SH3BP4: variants seen among roughly 807,000 people sequenced by gnomAD.
The protein encoded by SH3BP4 is SH3 domain-binding protein 4.
Under a neutral mutation model 65.5 loss-of-function variants are expected in SH3BP4, and 33 were observed. The ratio of observed to expected loss-of-function variants is 0.50; its 90% CI spans 0.38 to 0.67. The LOEUF is 0.67. Ranked by LOEUF, SH3BP4 falls within the 30% of genes least tolerant of loss-of-function variation. The pLI, the probability that SH3BP4 is intolerant of heterozygous loss-of-function variation, is 0.00. For missense variants in SH3BP4, 1,134 were observed against 1,261.4 expected (o/e 0.90, Z 1.53); for synonymous variants, 552 against 545.5 (o/e 1.01, Z -0.17).
In SH3BP4 at chr2:235,054,484, G is replaced by A. The variant is rs183288605; in HGVS notation, c.*668G>A. The A allele has an allele frequency of 6.6e-6, 1 of 152,300 alleles. No homozygotes were observed. Among genetic ancestry groups the A allele is most frequent in the East Asian group, 1.9e-4 (1 of 5,206 alleles). The allele number at this position is 152,300 out of a possible 1,614,324, so 9.4% of individuals were successfully genotyped here. A position where few individuals can be genotyped will look rare whatever the true frequency, so the allele number is the denominator to read the frequency against. ...GTAAATGACCATCCATAGAATATGT[G>A]AATCTTTGGTGAGCTTCAGTGGGCA... On this transcript the variant is annotated 3_prime_UTR_variant, in exon 6 of 6. Coordinates refer to ENST00000392011, the MANE Select transcript of SH3BP4 (RefSeq NM_014521.3).
Position 235,043,108 on chromosome 2 carries a change from A to C in SH3BP4, c.2339A>C (p.Asn780Thr), listed in dbSNP as rs76452346. The change falls in exon 4 of 6, where the codon AAC becomes ACC. Residue 780 changes from asparagine to threonine, a missense_variant. Coordinates refer to ENST00000392011, the MANE Select transcript of SH3BP4 (RefSeq NM_014521.3). ...RSFADALGYV[N>T]LPLTFFCRAE... Reference sequence around the variant, plus strand: ...TTCGCTGACGCCCTGGGCTACGTGAACCTGCCGCTCACCTTTTTCTGCCGG... The same window carrying C: ...TTCGCTGACGCCCTGGGCTACGTGACCCTGCCGCTCACCTTTTTCTGCCGG... The C allele has an allele frequency of 3.7e-6, 6 of 1,613,328 alleles. No homozygotes were observed. Among genetic ancestry groups the C allele is most frequent in the Admixed American group, 1.7e-5 (1 of 60,012 alleles).
At chr2:235,027,592 G>A (rs1051576099) in intron 2 of SH3BP4, among the ~76,000 whole-genome samples, 5 of 152,160 alleles carry the variant, frequency 3.3e-5, no homozygotes, top group South Asian at 2.1e-4. Context: ...TTTCTAACCC[G>A]GAGGAAATCT....
intron 1 of SH3BP4, among the ~76,000 whole-genome samples, chr2:234,975,031 AT>A (rs1693128512): frequency 6.6e-6 from 1 of 152,152 alleles, no homozygotes; most frequent in South Asian, 2.1e-4. Flanking sequence ...CTGCCTTGCA[AT>A]TCTCGGAGTT....
At chr2:235,047,942 G>A (rs769618089) in intron 4 of SH3BP4, among the ~76,000 whole-genome samples, 2 of 152,158 alleles carry the variant, frequency 1.3e-5, no homozygotes, top group Non-Finnish European at 2.9e-5. Flanking sequence ...GGAGTGGAGT[G>A]GGGGCCGGAA....
At chr2:235,037,948 G>A (rs1297921941) in intron 3 of SH3BP4, among the ~76,000 whole-genome samples, 2 of 151,716 alleles carry the variant, frequency 1.3e-5, no homozygotes, top group African/African-American at 4.8e-5. Context: ...TTCAGACACT[G>A]CTTTCACCAA....
At chr2:235,038,386 T>TAC (rs1358463225) in intron 3 of SH3BP4, among the ~76,000 whole-genome samples, 23 of 13,282 alleles carry the variant, frequency 1.7e-3, no homozygotes, top group Admixed American at 3.1e-3. Context: ...CATATATATA[T>TAC]ATATATATAT....
intron 2 of SH3BP4, among the ~76,000 whole-genome samples, chr2:234,998,948 A>G (rs1026182987): frequency 6.6e-6 from 1 of 152,156 alleles, no homozygotes; most frequent in African/African-American, 2.4e-5. Context: ...CCTCCCCGTA[A>G]TCAGCAGATA....
chr2:235,034,696 G>A lies in SH3BP4; in HGVS notation c.-132-175G>A, dbSNP rs77821022. ...GTGCCAATGAGACAAGCACAAAGTG[G>A]GCACAGAGGCCAAGGAGCAAGCGCT... On this transcript the variant is annotated intron_variant, in intron 2 of 5. Transcript: ENST00000392011. The surrounding 1 kb of genome is among the most constrained non-coding windows in gnomAD (Gnocchi z 6.2). Among the ~76,000 whole-genome samples, 2,009 of 152,314 alleles carry A rather than the reference G, an allele frequency of 0.013. 47 individuals carry two copies. Among genetic ancestry groups the A allele is most frequent in the African/African-American group, 0.045 (1,882 of 41,560 alleles).
At chr2:234,993,693 G>C (rs1404564041) in intron 1 of SH3BP4, among the ~76,000 whole-genome samples, 2 of 152,172 alleles carry the variant, frequency 1.3e-5, no homozygotes, top group Non-Finnish European at 2.9e-5. Flanking sequence ...ATTTTCAACT[G>C]TTCTGTCTTG....
chr2:235,033,638 A>G lies in SH3BP4; in HGVS notation c.-132-1233A>G, dbSNP rs551972504. ...GTGGTGACAGTGGCTGAGACTTGGC[A>G]GGGTTAAATATTGAACACAAGATGG... On this transcript the variant is annotated intron_variant, in intron 2 of 5. Coordinates refer to ENST00000392011, the MANE Select transcript of SH3BP4 (RefSeq NM_014521.3). This position sits in a 1 kb window ranked among gnomAD's most constrained non-coding sequence, Gnocchi z 5.7. Among the ~76,000 whole-genome samples, 3 of 152,330 alleles carry G rather than the reference A, an allele frequency of 2.0e-5. No homozygotes were observed. The highest frequency in any genetic ancestry group is 3.9e-4 in the East Asian group (2 of 5,182).
At chr2:234,987,644 C>A (rs770274055) in intron 1 of SH3BP4, among the ~76,000 whole-genome samples, 36 of 152,156 alleles carry the variant, frequency 2.4e-4, no homozygotes, top group Non-Finnish European at 2.8e-4. Flanking sequence ...GCCTAGGACG[C>A]CTTCCTTGAG....
chr2:234,989,373 A>G (rs1394267938), intron 1 of SH3BP4, among the ~76,000 whole-genome samples: 2 of 151,968 alleles, frequency 1.3e-5, no homozygotes. Context: ...TTCTGACCAC[A>G]CCTACGTCTG....
Position 234,984,329 on chromosome 2 carries a change from G to A in SH3BP4, c.-206-10974G>A, listed in dbSNP as rs147945213. On this transcript the variant is annotated intron_variant, in intron 1 of 5. Coordinates refer to ENST00000392011, the MANE Select transcript of SH3BP4 (RefSeq NM_014521.3). ...TGATCCTCCCACCCCAGCCTCCTGA[G>A]TAGCTGGGACTGCAGGCACACATCA... 8.8e-3 allele frequency among the ~76,000 whole-genome samples: 1,332 copies of A among 152,202 alleles called. 13 individuals carry two copies. Among genetic ancestry groups the A allele is most frequent in the Middle Eastern group, 0.017 (5 of 290 alleles).
At position 234,952,723 on chromosome 2, in the gene SH3BP4, T is replaced by C. The variant is rs1015938645; in HGVS notation, c.-207+553T>C. ...TTTCAACTTCTTCGGAGATCCCTCC[T>C]GTGAGGATGAAATTGAAAACTCCGG... On this transcript the variant is annotated intron_variant, in intron 1 of 5. Transcript: ENST00000392011. This position sits in a 1 kb window ranked among gnomAD's most constrained non-coding sequence, Gnocchi z 6.5. The C allele has an allele frequency of 2.6e-5, 4 of 152,078 alleles. No individual in the cohort carries two copies. The highest frequency in any genetic ancestry group is 4.4e-5 in the Non-Finnish European group (3 of 68,008). The allele number at this position is 152,078 out of a possible 1,614,324, so 9.4% of individuals were successfully genotyped here. A position where few individuals can be genotyped will look rare whatever the true frequency, so the allele number is the denominator to read the frequency against.
Position 235,030,038 on chromosome 2 carries a change from C to G in SH3BP4, c.-132-4833C>G, listed in dbSNP as rs1339382456. 6.6e-6 allele frequency among the ~76,000 whole-genome samples: 1 copy of G among 152,156 alleles called. No individual in the cohort carries two copies. The highest frequency in any genetic ancestry group is 1.5e-5 in the Non-Finnish European group (1 of 68,018). ...CAGTGATTGATTGAAGGGTTGAGAT[C>G]GGCAATATGTAACCCTGGAGGTACA... is the stretch of plus-strand genomic sequence containing the variant. On this transcript the variant is annotated intron_variant, in intron 2 of 5. Coordinates refer to ENST00000392011, the MANE Select transcript of SH3BP4 (RefSeq NM_014521.3). This position sits in a 1 kb window ranked among gnomAD's most constrained non-coding sequence, Gnocchi z 4.1.
Position 235,034,977 on chromosome 2 carries a change from G to A in SH3BP4, c.-26G>A, listed in dbSNP as rs760411474. On this transcript the variant is annotated 5_prime_UTR_variant, in exon 3 of 6. Coordinates refer to ENST00000392011, the MANE Select transcript of SH3BP4 (RefSeq NM_014521.3). This position sits in a 1 kb window ranked among gnomAD's most constrained non-coding sequence, Gnocchi z 6.2. Reference sequence around the variant, plus strand: ...GAGGAAGAAATATGAAGCCTTAGCGGCTTTACCCGGGAAGCGAGTTTCGAG... The same window carrying A: ...GAGGAAGAAATATGAAGCCTTAGCGACTTTACCCGGGAAGCGAGTTTCGAG... 4 of 1,594,996 alleles carry A rather than the reference G, an allele frequency of 2.5e-6. No homozygotes were observed. The highest frequency in any genetic ancestry group is 1.7e-4 in the Middle Eastern group (1 of 6,024).
chr2:235,048,576 G>A (rs1695951238), intron 4 of SH3BP4, among the ~76,000 whole-genome samples: 1 of 151,840 alleles, frequency 6.6e-6, no homozygotes, highest in Non-Finnish European at 1.5e-5. Context: ...TTGAGCTCAA[G>A]CTATCCTCCC....
rs553976084 is a variant in SH3BP4 at position 235,035,433 on chromosome 2, A to C, written c.118+313A>C. ...CAGGGGAACAGAGAGTGTGGCAAGTAGATGAAATATTGAGAACCACTAGAG... is the reference window on the plus strand; with the variant it reads ...CAGGGGAACAGAGAGTGTGGCAAGTCGATGAAATATTGAGAACCACTAGAG... On this transcript the variant is annotated intron_variant, in intron 3 of 5. Coordinates refer to ENST00000392011, the MANE Select transcript of SH3BP4 (RefSeq NM_014521.3). The surrounding 1 kb of genome is among the most constrained non-coding windows in gnomAD (Gnocchi z 5.0). Among the ~76,000 whole-genome samples the C allele has an allele frequency of 1.6e-4, 24 of 152,330 alleles. No homozygotes were observed. Among genetic ancestry groups the C allele is most frequent in the African/African-American group, 5.3e-4 (22 of 41,566 alleles).
intron 4 of SH3BP4, among the ~76,000 whole-genome samples, chr2:235,049,627 C>G (rs1574852309): frequency 6.6e-6 from 1 of 152,240 alleles, no homozygotes; most frequent in Non-Finnish European, 1.5e-5. Flanking sequence ...TGAAACAAAT[C>G]TAGTCAACAT....
Sources: allele counts gnomAD v4.1 joint callset (sites outside exome capture counted in the v4.1 genomes callset), GRCh38; gene constraint gnomAD v4.1.1; non-coding constraint Gnocchi (gnomAD v3.1); transcripts MANE v1.5; gene names NCBI Gene and HGNC (gene_info 2026-07-23, HGNC 2026-07-21).